SASH1: variants seen among roughly 807,000 people sequenced by gnomAD.
The protein encoded by SASH1 is SAM and SH3 domain-containing protein 1.
A neutral mutation model predicts 125.2 loss-of-function variants in SASH1; 44 were observed. The observed-to-expected ratio is 0.35, with a 90% CI of 0.28 to 0.45. The LOEUF is 0.45. Ranked by LOEUF, SASH1 falls within the 20% of genes least tolerant of loss-of-function variation. The pLI, the probability that SASH1 is intolerant of heterozygous loss-of-function variation, is 1.00. For synonymous variants in SASH1, 639 were observed against 649.1 expected (o/e 0.98, Z 0.24); for missense variants, 1,426 against 1,614.5 (o/e 0.88, Z 2.00).
chr6:148,460,105 T>G (rs1246496458), intron 4 of SASH1, among the ~76,000 whole-genome samples: 2 of 152,208 alleles, frequency 1.3e-5, no homozygotes, highest in Non-Finnish European at 2.9e-5. Flanking sequence ...AGATAATGTT[T>G]AGTTACCTAC....
chr6:148,394,559 C>A (rs1229876008), intron 2 of SASH1, among the ~76,000 whole-genome samples: 2 of 152,206 alleles, frequency 1.3e-5, no homozygotes, highest in East Asian at 3.8e-4. Context: ...TCCCTGCTGG[C>A]TGCTTGGTTG....
intron 8 of SASH1, chr6:148,513,930 A>G (rs780098346): frequency 6.4e-5 from 63 of 989,944 alleles, no homozygotes; most frequent in Non-Finnish European, 7.1e-5. Flanking sequence ...TTAAACAGCA[A>G]GCCCTGATGG....
At chr6:148,457,639 GT>G (rs1777421794) in intron 4 of SASH1, among the ~76,000 whole-genome samples, 1 of 152,152 alleles carries the variant, frequency 6.6e-6, no homozygotes, top group Admixed American at 6.6e-5. Context: ...CCAATGCTTT[GT>G]GGAAGTTAGT....
chr6:148,497,900 A>G (rs1030937566), intron 8 of SASH1, among the ~76,000 whole-genome samples: 6 of 152,178 alleles, frequency 3.9e-5, no homozygotes, highest in African/African-American at 1.4e-4. Flanking sequence ...CTAGGGCCCT[A>G]CAGTGCTGAT....
At chr6:148,347,781 T>C (rs568756325) in intron 1 of SASH1, among the ~76,000 whole-genome samples, 2 of 152,222 alleles carry the variant, frequency 1.3e-5, no homozygotes, top group South Asian at 2.1e-4. Context: ...GAAGAAAGCC[T>C]TGTGGCCTCT....
chr6:148,534,636 G>A, intron 15 of SASH1, 115 bp from the exon 16 acceptor site: 1 of 1,006,598 alleles, frequency 9.9e-7, no homozygotes, highest in South Asian at 1.4e-5. Context: ...CTAATCTTTT[G>A]ATTAGCCTGA....
intron 2 of SASH1, among the ~76,000 whole-genome samples, chr6:148,407,908 C>T (rs1784443010): frequency 6.6e-6 from 1 of 152,140 alleles, no homozygotes; most frequent in Non-Finnish European, 1.5e-5. Flanking sequence ...GCTGGGATTA[C>T]AGGCGTGAGC....
chr6:148,270,147 T>A (rs1350646491), upstream of SASH1, among the ~76,000 whole-genome samples: 1 of 152,200 alleles, frequency 6.6e-6, no homozygotes, highest in Non-Finnish European at 1.5e-5. Flanking sequence ...AAGACCTTCC[T>A]GGTATAGACA....
chr6:148,324,104 G>T (rs1780728329), intron 1 of SASH1, among the ~76,000 whole-genome samples: 2 of 73,938 alleles, frequency 2.7e-5, no homozygotes, highest in Admixed American at 4.6e-4. Context: ...TGGTGACAGA[G>T]CAAGAATCTG....
chr6:148,309,714 C>T (rs1780249229), intron 1 of SASH1, among the ~76,000 whole-genome samples: 1 of 148,510 alleles, frequency 6.7e-6, no homozygotes, highest in Admixed American at 6.7e-5. Flanking sequence ...TATTAAAAGA[C>T]TTAGGGTATG....
At chr6:148,514,882 G>A (rs981444665) in intron 9 of SASH1, among the ~76,000 whole-genome samples, 2 of 152,162 alleles carry the variant, frequency 1.3e-5, no homozygotes, top group Non-Finnish European at 2.9e-5. Flanking sequence ...TAACAATCAA[G>A]GCACCTAATA....
At chr6:148,422,705 G>C (rs1203186428) in intron 2 of SASH1, among the ~76,000 whole-genome samples, 1 of 152,108 alleles carries the variant, frequency 6.6e-6, no homozygotes, top group African/African-American at 2.4e-5. Flanking sequence ...TTAATGCTCA[G>C]AAGGGAGGAA....
chr6:148,457,023 A>T lies in SASH1; in HGVS notation c.387-11522A>T, dbSNP rs548101894. Among the ~76,000 whole-genome samples the T allele has an allele frequency of 7.9e-4, 118 of 150,136 alleles. 1 individual carries two copies. Among genetic ancestry groups the T allele is most frequent in the Middle Eastern group, 3.5e-3 (1 of 286 alleles). Reference sequence around the variant, plus strand: ...ATGTGCTACAGCCCTGTTTTATTTTATTTTGCTTTTGATAATAATTTAGTA... The same window carrying T: ...ATGTGCTACAGCCCTGTTTTATTTTTTTTTGCTTTTGATAATAATTTAGTA... On this transcript the variant is annotated intron_variant, in intron 4 of 19. Coordinates refer to ENST00000367467, the MANE Select transcript of SASH1 (RefSeq NM_015278.5).
intron 1 of SASH1, among the ~76,000 whole-genome samples, chr6:148,348,933 C>T (rs569033971): frequency 1.8e-4 from 28 of 152,364 alleles, no homozygotes; most frequent in Non-Finnish European, 4.1e-4. Flanking sequence ...GGTAGGATCC[C>T]TTCACTCAGG....
chr6:148,526,276 C>G (rs1781156719), intron 11 of SASH1, among the ~76,000 whole-genome samples: 1 of 152,020 alleles, frequency 6.6e-6, no homozygotes, highest in Admixed American at 6.6e-5. Context: ...GTTGGCCAGG[C>G]TGGTCTTGAA....
chr6:148,259,273 T>C, the SASH1 span, among the ~76,000 whole-genome samples: 2 of 152,172 alleles, frequency 1.3e-5, no homozygotes, highest in Non-Finnish European at 2.9e-5. Context: ...ATTCAGTGTG[T>C]CTAGAACTAA....
rs777972227 is a variant in SASH1 at position 148,514,371 on chromosome 6, G to A, written c.777G>A (p.Lys259=). ...AGACTGAGGAGTCGGTGAAGTTTAA[G>A]AGGTTACACAAGCTGGTAAACTCCA... ...DDETEESVKF[K]RLHKLVNSTR... Residue 259 remains lysine, a synonymous_variant, in exon 9 of 20, where the codon AAG becomes AAA. Coordinates refer to ENST00000367467, the MANE Select transcript of SASH1 (RefSeq NM_015278.5). The A allele has an allele frequency of 6.4e-6, 10 of 1,553,690 alleles. No homozygotes were observed. The Admixed American group carries it at 1.2e-4, about 19-fold the overall frequency.
the SASH1 span, among the ~76,000 whole-genome samples, chr6:148,258,028 G>C: frequency 2.6e-5 from 4 of 152,260 alleles, no homozygotes; most frequent in South Asian, 8.3e-4. Flanking sequence ...CCACTGGCAA[G>C]CACATAAAAA....
chr6:148,462,815 G>T (rs1777677987), intron 4 of SASH1, among the ~76,000 whole-genome samples: 2 of 152,284 alleles, frequency 1.3e-5, no homozygotes, highest in South Asian at 4.1e-4. Flanking sequence ...AAATGAGGAG[G>T]AGTCTGGGGA....
Sources: gnomAD v4.1 joint callset for allele counts (sites outside exome capture counted in the v4.1 genomes callset) on GRCh38, gnomAD v4.1.1 for gene constraint, MANE v1.5 for transcripts, NCBI Gene and HGNC (gene_info 2026-07-23, HGNC 2026-07-21) for gene names.